The following MYO1D variants were observed in gnomAD, a reference collection of about 807,000 sequenced individuals.
MYO1D encodes the protein unconventional myosin-Id.
In MYO1D, 83 loss-of-function variants were observed where a neutral mutation model predicts 122.0. The observed-to-expected ratio is 0.68, with a 90% CI of 0.57 to 0.82. The LOEUF is 0.82. Ranked by LOEUF, MYO1D falls within the 40% of genes least tolerant of loss-of-function variation. The probability of loss-of-function intolerance (pLI) is 0.00; values close to 1 mark genes in which losing one functional copy is unlikely to be tolerated. For missense variants in MYO1D, 1,157 were observed against 1,269.5 expected, an observed-to-expected ratio of 0.91 and a Z score of 1.35; for synonymous variants, 464 against 446.9, an observed-to-expected ratio of 1.04 and a Z score of -0.48.
intron 1 of MYO1D, among the ~76,000 whole-genome samples, chr17:32,802,161 AG>A (rs1277899919): frequency 6.6e-6 from 1 of 152,212 alleles, no homozygotes; most frequent in South Asian, 2.1e-4. Flanking sequence ...AAACAGCTCA[AG>A]TCTGTGCTCT....
intron 16 of MYO1D, among the ~76,000 whole-genome samples, chr17:32,700,943 CAA>C (rs751113475): frequency 1.9e-4 from 15 of 78,220 alleles, no homozygotes; most frequent in Admixed American, 1.3e-3. Flanking sequence ...GACTCCATCT[CAA>C]AAAAAAAAAA....
intron 16 of MYO1D, among the ~76,000 whole-genome samples, chr17:32,664,420 A>G (rs2088610279): frequency 6.6e-6 from 1 of 152,230 alleles, no homozygotes; most frequent in African/African-American, 2.4e-5. Flanking sequence ...AGCCTCAGAA[A>G]GCAGAAAATT....
chr17:32,622,445 G>T (rs568268567), intron 20 of MYO1D, among the ~76,000 whole-genome samples: 25 of 152,230 alleles, frequency 1.6e-4, no homozygotes, highest in South Asian at 1.5e-3. Context: ...ATGGGGGTGT[G>T]GGGGAGCCAG....
chr17:32,670,815 G>A (rs7222072), intron 16 of MYO1D, among the ~76,000 whole-genome samples: 13 of 152,022 alleles, frequency 8.6e-5, no homozygotes, highest in Admixed American at 1.3e-4. Flanking sequence ...GATCTGACCC[G>A]CCTGTCCCCT....
intron 14 of MYO1D, chr17:32,734,989 G>A (rs1249791805): frequency 6.6e-6 from 1 of 151,620 alleles, no homozygotes; most frequent in African/African-American, 2.4e-5. Flanking sequence ...TGAGGTGTGA[G>A]AATTGCTTGA....
At chr17:32,730,145 T>C (rs1843353279) in intron 14 of MYO1D, among the ~76,000 whole-genome samples, 1 of 151,458 alleles carries the variant, frequency 6.6e-6, no homozygotes. Context: ...TTTCCTTCTC[T>C]ACTAGTTTGG....
chr17:32,629,220 A>G (rs1299759747), intron 20 of MYO1D, among the ~76,000 whole-genome samples: 1 of 152,172 alleles, frequency 6.6e-6, no homozygotes, highest in African/African-American at 2.4e-5. Context: ...GGTTCAGGGG[A>G]AAGAGGGAAA....
At chr17:32,824,208 G>T (rs552025465) in intron 1 of MYO1D, among the ~76,000 whole-genome samples, 1 of 152,018 alleles carries the variant, frequency 6.6e-6, no homozygotes, top group East Asian at 1.9e-4. Flanking sequence ...TCACAAAGTA[G>T]AATCAAATTA....
chr17:32,841,051 T>A (rs901461107), intron 1 of MYO1D, among the ~76,000 whole-genome samples: 1 of 152,226 alleles, frequency 6.6e-6, no homozygotes, highest in Non-Finnish European at 1.5e-5. Flanking sequence ...TGTAGGCTAA[T>A]GCAAATGTTC....
At chr17:32,501,631 G>A (rs917178278) in intron 21 of MYO1D, among the ~76,000 whole-genome samples, 12 of 152,344 alleles carry the variant, frequency 7.9e-5, no homozygotes, top group Admixed American at 5.2e-4. Context: ...GACACATGGA[G>A]GCTGACGGGA....
At chr17:32,534,743 G>T (rs117488289) in intron 21 of MYO1D, among the ~76,000 whole-genome samples, 2,205 of 152,228 alleles carry the variant, frequency 0.014, 19 homozygotes, top group Non-Finnish European at 0.023. Flanking sequence ...TTGTTTTTGG[G>T]ATGTGTGCTT....
At chr17:32,521,684 G>A (rs561981126) in intron 21 of MYO1D, among the ~76,000 whole-genome samples, 8 of 151,560 alleles carry the variant, frequency 5.3e-5, no homozygotes, top group East Asian at 1.9e-4. Flanking sequence ...GTGCGGTGGC[G>A]CACGCCCATA....
At chr17:32,708,799 C>T (rs1398940134) in intron 16 of MYO1D, among the ~76,000 whole-genome samples, 5 of 152,330 alleles carry the variant, frequency 3.3e-5, no homozygotes, top group Middle Eastern at 3.4e-3. Flanking sequence ...ACAGCTTTCC[C>T]TTCACTGCAT....
At chr17:32,544,676 G>A (rs151062548) in intron 21 of MYO1D, among the ~76,000 whole-genome samples, 2 of 152,238 alleles carry the variant, frequency 1.3e-5, no homozygotes, top group African/African-American at 4.8e-5. Context: ...TGGAAAGTAG[G>A]TATACTTGCA....
At chr17:32,546,363 C>T (rs1347631120) in intron 21 of MYO1D, among the ~76,000 whole-genome samples, 2 of 152,200 alleles carry the variant, frequency 1.3e-5, no homozygotes, top group African/African-American at 2.4e-5. Flanking sequence ...GGAGCTCTGT[C>T]TGTCTTTGTC....
chr17:32,808,787 C>A (rs954584017), intron 1 of MYO1D, among the ~76,000 whole-genome samples: 2 of 152,134 alleles, frequency 1.3e-5, no homozygotes, highest in Non-Finnish European at 2.9e-5. Context: ...AGAGGTCACT[C>A]ACAAAAACTC....
At chr17:32,598,111 C>T (rs894371758) in intron 21 of MYO1D, among the ~76,000 whole-genome samples, 8 of 151,534 alleles carry the variant, frequency 5.3e-5, no homozygotes, top group Non-Finnish European at 1.0e-4. Flanking sequence ...CAGTGGCTCA[C>T]GCTTGTAATC....
chr17:32,534,212 G>A (rs908771184), intron 21 of MYO1D, among the ~76,000 whole-genome samples: 1 of 152,030 alleles, frequency 6.6e-6, no homozygotes, highest in Non-Finnish European at 1.5e-5. Flanking sequence ...TGTCACCAAG[G>A]CTGGAGTGCC....
intron 5 of MYO1D, 74 bp from the exon 6 acceptor site, chr17:32,771,294 CTTTT>C: frequency 9.8e-7 from 1 of 1,021,834 alleles, no homozygotes; most frequent in South Asian, 1.6e-5. Context: ...GGTAATCTAG[CTTTT>C]ATTCATTTTC....
Sources: gnomAD v4.1 joint callset for allele counts (sites outside exome capture counted in the v4.1 genomes callset) on GRCh38, gnomAD v4.1.1 for gene constraint, MANE v1.5 for transcripts, NCBI Gene and HGNC (gene_info 2026-07-23, HGNC 2026-07-21) for gene names.